ZC4H2: variants seen among roughly 807,000 people sequenced by gnomAD.
ZC4H2 encodes the protein zinc finger C4H2-type containing, also known as zinc finger C4H2 domain-containing protein.
For synonymous variants in ZC4H2, 84 were observed against 66.3 expected (o/e 1.27, Z -1.30); for missense variants, 137 against 173.9 (o/e 0.79, Z 1.19).
At chrX:64,953,158 A>G (rs1346475381) in intron 1 of ZC4H2, among the ~76,000 whole-genome samples, 2 of 112,324 alleles carry the variant, frequency 1.8e-5, no homozygotes, top group Non-Finnish European at 3.8e-5. Flanking sequence ...TACACCTTAT[A>G]CAAAAATTAA....
intron 1 of ZC4H2, among the ~76,000 whole-genome samples, chrX:64,992,193 A>G (rs1932322423): frequency 8.9e-6 from 1 of 111,824 alleles, no homozygotes; most frequent in African/African-American, 3.2e-5. Context: ...AAAATGTCAA[A>G]CCATGCCTTA....
intron 1 of ZC4H2, among the ~76,000 whole-genome samples, chrX:64,935,681 C>G (rs754608991): frequency 8.9e-6 from 1 of 112,075 alleles, no homozygotes; most frequent in Admixed American, 9.4e-5. Flanking sequence ...CCCAGGCAAA[C>G]AGGGTCTGGA....
intron 1 of ZC4H2, among the ~76,000 whole-genome samples, chrX:65,012,511 C>G (rs761256406): frequency 9.0e-6 from 1 of 111,318 alleles, no homozygotes; most frequent in Non-Finnish European, 1.9e-5. Flanking sequence ...CTCATTCACT[C>G]TCTCTTGTAC....
intron 1 of ZC4H2, among the ~76,000 whole-genome samples, chrX:65,010,656 C>T (rs1932743488): frequency 8.9e-6 from 1 of 111,801 alleles, no homozygotes; most frequent in African/African-American, 3.2e-5. Context: ...CTCAGACGAG[C>T]TTTATCTTTT....
chrX:64,938,299 T>C (rs1025737068), intron 1 of ZC4H2, among the ~76,000 whole-genome samples: 1 of 111,836 alleles, frequency 8.9e-6, no homozygotes, highest in African/African-American at 3.3e-5. Context: ...ATTAACAGAC[T>C]ACCAACCAAA....
chrX:64,999,556 A>G (rs1452045713), intron 1 of ZC4H2, among the ~76,000 whole-genome samples: 2 of 111,778 alleles, frequency 1.8e-5, no homozygotes, highest in Non-Finnish European at 3.8e-5. Flanking sequence ...CTTTCTTTTC[A>G]TACCCCAGTG....
intron 1 of ZC4H2, among the ~76,000 whole-genome samples, chrX:64,941,583 T>A (rs1457723434): frequency 8.9e-6 from 1 of 112,374 alleles, no homozygotes. Flanking sequence ...ACCTAGTTTA[T>A]GGAATGTTTT....
intron 1 of ZC4H2, among the ~76,000 whole-genome samples, chrX:65,011,782 C>T (rs1932757008): frequency 9.2e-6 from 1 of 108,735 alleles, no homozygotes; most frequent in Admixed American, 9.9e-5. Flanking sequence ...GTGGTGCAAT[C>T]TTGGCTCACT....
At chrX:65,012,063 C>T (rs1187113407) in intron 1 of ZC4H2, among the ~76,000 whole-genome samples, 2 of 106,713 alleles carry the variant, frequency 1.9e-5, no homozygotes, top group African/African-American at 6.8e-5. Flanking sequence ...CTAGGTAGCT[C>T]TACAGCTATG....
chrX:65,002,249 C>T (rs999586702), intron 1 of ZC4H2, among the ~76,000 whole-genome samples: 1 of 112,299 alleles, frequency 8.9e-6, no homozygotes, highest in Admixed American at 9.3e-5. Flanking sequence ...CAAACAGTCC[C>T]TCAGACTGCA....
At chrX:65,030,088 T>C (rs748596542) in intron 1 of ZC4H2, among the ~76,000 whole-genome samples, 1 of 111,957 alleles carries the variant, frequency 8.9e-6, no homozygotes, top group East Asian at 2.8e-4. Context: ...TAGGAATTAC[T>C]TCAATTCTGG....
At chrX:64,938,153 A>T (rs764197466) in intron 1 of ZC4H2, among the ~76,000 whole-genome samples, 5 of 112,338 alleles carry the variant, frequency 4.5e-5, no homozygotes, top group Non-Finnish European at 7.5e-5. Context: ...AATACTATGA[A>T]CACCTCTATG....
At chrX:64,928,556 G>T (rs757060154) in intron 1 of ZC4H2, among the ~76,000 whole-genome samples, 3 of 110,054 alleles carry the variant, frequency 2.7e-5, no homozygotes, top group Admixed American at 1.9e-4. Flanking sequence ...ATGTTAAGCG[G>T]GTTTTTCATA....
chrX:64,928,041 T>A (rs1929509266), intron 1 of ZC4H2, among the ~76,000 whole-genome samples: 1 of 112,290 alleles, frequency 8.9e-6, no homozygotes, highest in African/African-American at 3.2e-5. Flanking sequence ...TTTTGTCAGA[T>A]GGATAGATTG....
intron 1 of ZC4H2, among the ~76,000 whole-genome samples, chrX:64,938,339 C>T (rs920852810): frequency 9.8e-5 from 11 of 111,771 alleles, no homozygotes; most frequent in Non-Finnish European, 1.1e-4. Flanking sequence ...GATTCACAGC[C>T]GAATTCTACC....
chrX:64,993,432 A>G (rs1213076956), intron 1 of ZC4H2, among the ~76,000 whole-genome samples: 5 of 111,534 alleles, frequency 4.5e-5, no homozygotes, highest in African/African-American at 1.3e-4. Flanking sequence ...ACCCAAGACG[A>G]TGGTATTAGT....
At chrX:64,968,174 CACT>C (rs2147412189) in intron 1 of ZC4H2, among the ~76,000 whole-genome samples, 1 of 112,236 alleles carries the variant, frequency 8.9e-6, no homozygotes, top group Admixed American at 9.4e-5. Context: ...CTGTATTAGG[CACT>C]TTTTATGCTA....
At chrX:64,954,871 A>T (rs1931091925) in intron 1 of ZC4H2, among the ~76,000 whole-genome samples, 1 of 111,364 alleles carries the variant, frequency 9.0e-6, no homozygotes, top group Non-Finnish European at 1.9e-5. Context: ...AGTTTGAATA[A>T]ACTCCACGGT....
intron 1 of ZC4H2, among the ~76,000 whole-genome samples, chrX:64,988,146 T>C (rs1443692288): frequency 9.1e-6 from 1 of 110,404 alleles, no homozygotes; most frequent in Non-Finnish European, 1.9e-5. Flanking sequence ...GTTGGACATT[T>C]GGGTTGGTTC....
Sources: allele counts gnomAD v4.1 joint callset (sites outside exome capture counted in the v4.1 genomes callset), GRCh38; gene constraint gnomAD v4.1.1; transcripts MANE v1.5; gene names NCBI Gene and HGNC (gene_info 2026-07-23, HGNC 2026-07-21).